The following AK9 variants were observed in gnomAD, a reference collection of about 807,000 sequenced individuals.
AK9 encodes adenylate kinase domain containing 1.
In AK9, 191 loss-of-function variants were observed where a neutral mutation model predicts 239.6. The ratio of observed to expected loss-of-function variants is 0.80; its 90% confidence interval spans 0.71 to 0.90. AK9 has a LOEUF of 0.90. Ranked by LOEUF, AK9 falls within the 40% of genes least tolerant of loss-of-function variation. AK9 has a pLI of 0.00. For missense variants in AK9, 1,995 were observed against 2,214.7 expected (o/e 0.90, Z 1.99); for synonymous variants, 689 against 721.0 (o/e 0.96, Z 0.71).
intron 27 of AK9, among the ~76,000 whole-genome samples, chr6:109,538,804 T>C (rs1215414094): frequency 6.6e-6 from 1 of 152,182 alleles, no homozygotes; most frequent in Non-Finnish European, 1.5e-5. Context: ...GGCCTGGTGG[T>C]GACAAAATCT....
At chr6:109,510,543 T>C (rs775589942) in intron 32 of AK9, among the ~76,000 whole-genome samples, 14 of 151,642 alleles carry the variant, frequency 9.2e-5, no homozygotes, top group Non-Finnish European at 1.8e-4. Flanking sequence ...GCAGCAGACA[T>C]CAGGACAACC....
chr6:109,531,549 A>T (rs1420487712), intron 28 of AK9, among the ~76,000 whole-genome samples: 1 of 152,016 alleles, frequency 6.6e-6, no homozygotes, highest in East Asian at 1.9e-4. Context: ...AAAATTAAAC[A>T]TTTGATTTTT....
At position 109,506,559 on chromosome 6, in the gene AK9, A is replaced by T. The variant is rs779423692; in HGVS notation, c.4629-12T>A. 3.8e-6 allele frequency: 6 copies of T among 1,561,528 alleles called. No individual in the cohort carries two copies. Among genetic ancestry groups the T allele is most frequent in the Non-Finnish European group, 5.2e-6 (6 of 1,149,374 alleles). On this transcript the variant is annotated splice_polypyrimidine_tract_variant and intron_variant, in intron 34 of 40. Transcript: ENST00000424296. ...ATGGATAAGGCAATCTAATAGGGAAACAGAGAAGGAATGGAAAAAGCTGTT... is the reference window on the plus strand; with the variant it reads ...ATGGATAAGGCAATCTAATAGGGAATCAGAGAAGGAATGGAAAAAGCTGTT...
intron 8 of AK9, among the ~76,000 whole-genome samples, chr6:109,650,750 T>C (rs142681102): frequency 3.4e-3 from 512 of 152,368 alleles, no homozygotes; most frequent in African/African-American, 0.011. Flanking sequence ...GAAAGGATTA[T>C]AAATCATGCT....
chr6:109,655,902 T>C (rs969443086), intron 8 of AK9, among the ~76,000 whole-genome samples: 2 of 152,192 alleles, frequency 1.3e-5, no homozygotes, highest in Admixed American at 1.3e-4. Context: ...AAGTCATACA[T>C]ATGAAAGCAA....
chr6:109,506,562 G>A lies in AK9; in HGVS notation c.4629-15C>T, dbSNP rs746227598. Reference sequence around the variant, plus strand: ...GATAAGGCAATCTAATAGGGAAACAGAGAAGGAATGGAAAAAGCTGTTAAA... The same window carrying A: ...GATAAGGCAATCTAATAGGGAAACAAAGAAGGAATGGAAAAAGCTGTTAAA... On this transcript the variant is annotated splice_polypyrimidine_tract_variant and intron_variant, in intron 34 of 40. Transcript: ENST00000424296. The A allele has an allele frequency of 6.4e-7, 1 of 1,558,280 alleles. No individual in the cohort carries two copies. The highest frequency in any genetic ancestry group is 1.2e-5 in the South Asian group (1 of 86,474).
intron 25 of AK9, among the ~76,000 whole-genome samples, chr6:109,548,702 A>C (rs1032016163): frequency 6.6e-6 from 1 of 152,216 alleles, no homozygotes; most frequent in Non-Finnish European, 1.5e-5. Context: ...AGTTGAAAAA[A>C]GTTTCTACTC....
At chr6:109,596,323 G>A (rs1164502562) in intron 17 of AK9, among the ~76,000 whole-genome samples, 1 of 152,204 alleles carries the variant, frequency 6.6e-6, no homozygotes, top group Non-Finnish European at 1.5e-5. Context: ...AGCTCCAAGA[G>A]GGGATCTGGG....
chr6:109,547,545 A>C (rs1783721718), intron 25 of AK9, among the ~76,000 whole-genome samples: 1 of 152,206 alleles, frequency 6.6e-6, no homozygotes, highest in Admixed American at 6.6e-5. Context: ...AAATCAACTC[A>C]AAATGGATTA....
intron 20 of AK9, among the ~76,000 whole-genome samples, chr6:109,577,994 C>T (rs1788341561): frequency 2.7e-5 from 4 of 150,598 alleles, no homozygotes; most frequent in Admixed American, 2.0e-4. Context: ...TGCAGTGACA[C>T]GATCTCAGCT....
intron 12 of AK9, among the ~76,000 whole-genome samples, chr6:109,624,015 A>T (rs1795207115): frequency 1.3e-5 from 2 of 152,016 alleles, no homozygotes; most frequent in South Asian, 4.2e-4. Flanking sequence ...ACTCACAATT[A>T]CGTAGAACAT....
chr6:109,659,326 G>T lies in AK9; in HGVS notation c.532C>A (p.Pro178Thr). ...TTCCTATGATTCTCAATGACTTCAG[G>T]ATCCCACTGGTCTCTACTGTATATG... ...GYIYSRDQWD[P>T]EVIENHRKKK... is the part of the protein sequence containing the mutation. The change falls in exon 7 of 41, where the codon CCT becomes ACT. Residue 178 changes from proline (P) to threonine (T), a missense_variant. Around this residue, in one of 5 missense-constraint regions of AK9, gnomAD observed 252 missense variants for 246.4 expected, o/e 1.02. Transcript: ENST00000424296. The T allele has an allele frequency of 6.2e-7, 1 of 1,607,682 alleles. No homozygotes were observed. Among genetic ancestry groups the T allele is most frequent in the Non-Finnish European group, 8.5e-7 (1 of 1,178,132 alleles).
intron 8 of AK9, among the ~76,000 whole-genome samples, chr6:109,653,302 A>T (rs1216362901): frequency 6.6e-6 from 1 of 152,092 alleles, no homozygotes; most frequent in Non-Finnish European, 1.5e-5. Flanking sequence ...CAAAGCCCTA[A>T]CCCGCAATGT....
chr6:109,606,609 A>C (rs1020937824), intron 17 of AK9, among the ~76,000 whole-genome samples: 26 of 152,296 alleles, frequency 1.7e-4, no homozygotes, highest in African/African-American at 6.3e-4. Context: ...ATCTCCCTAG[A>C]GGTTGCTACT....
intron 17 of AK9, among the ~76,000 whole-genome samples, chr6:109,603,014 C>T (rs938743137): frequency 2.0e-5 from 3 of 152,130 alleles, no homozygotes; most frequent in Admixed American, 6.5e-5. Context: ...GCGATGGGTT[C>T]GAACTTCCTC....
chr6:109,628,860 C>G (rs11962218), intron 12 of AK9, among the ~76,000 whole-genome samples: 3,168 of 152,080 alleles, frequency 0.021, 98 homozygotes, highest in African/African-American at 0.073. Flanking sequence ...GTGCCAGAAA[C>G]ATGTTTTTAG....
chr6:109,659,454 T>A, intron 6 of AK9, 41 bp from the exon 7 acceptor site: 1 of 1,564,666 alleles, frequency 6.4e-7, no homozygotes, highest in Non-Finnish European at 8.7e-7. Context: ...ACATTTTGAA[T>A]ATGCTTTTAA....
At chr6:109,685,028 G>A (rs1158768248) in intron 1 of AK9, among the ~76,000 whole-genome samples, 1 of 136,748 alleles carries the variant, frequency 7.3e-6, no homozygotes, top group Non-Finnish European at 1.7e-5. Flanking sequence ...ACCACAATGA[G>A]ATACCATCTC....
At chr6:109,558,961 C>T (rs9386815) in intron 24 of AK9, among the ~76,000 whole-genome samples, 27,905 of 151,066 alleles carry the variant, frequency 0.18, 3,131 homozygotes, top group South Asian at 0.34. Context: ...AAACGATTTT[C>T]GTGTCTCAGC....
Sources: gnomAD v4.1 joint callset for allele counts (sites outside exome capture counted in the v4.1 genomes callset) on GRCh38, gnomAD v4.1.1 for gene constraint, gnomAD v4.1.1 regional missense constraint, MANE v1.5 for transcripts, NCBI Gene and HGNC (gene_info 2026-07-23, HGNC 2026-07-21) for gene names.